OGDH: variants seen among roughly 807,000 people sequenced by gnomAD.
OGDH encodes oxoglutarate dehydrogenase, also known as 2-oxoglutarate dehydrogenase complex component E1.
Under a neutral mutation model 116.6 loss-of-function variants are expected in OGDH, and 38 were observed. The observed-to-expected ratio is 0.33, with a 90% CI of 0.25 to 0.43. The LOEUF is 0.43. OGDH is among the 20% of genes least tolerant of loss of function. The probability of loss-of-function intolerance (pLI) is 1.00; values close to 1 mark genes in which losing one functional copy is unlikely to be tolerated. For synonymous variants in OGDH, 488 were observed against 533.3 expected (o/e 0.92, Z 1.17); for missense variants, 825 against 1,357.2 (o/e 0.61, Z 6.16).
intron 19 of OGDH, 105 bp from the exon 20 acceptor site, chr7:44,701,438 G>A (rs1788826106): frequency 5.6e-6 from 5 of 891,948 alleles, no homozygotes; most frequent in Admixed American, 2.0e-5. Context: ...GAGGGCAGGT[G>A]TGTTTCATGG....
Position 44,707,707 on chromosome 7 carries a change from G to A in OGDH, c.2922G>A (p.Arg974=). The A allele has an allele frequency of 6.2e-7, 1 of 1,614,166 alleles. No homozygotes were observed. The highest frequency in any genetic ancestry group is 1.1e-5 in the South Asian group (1 of 91,084). The change falls in exon 22 of 23, where the codon CGG becomes CGA. Residue 974 remains arginine (R), a synonymous_variant. Transcript: ENST00000222673. This position sits in a 1 kb window ranked among gnomAD's most constrained non-coding sequence, Gnocchi z 5.2. ...ATGACTACGTGAAGCCAAGACTTCG[G>A]ACCACCATCAGCCGCGCCAAGCCCG... ...GYYDYVKPRL[R]TTISRAKPVW...
chr7:44,687,805 C>G (rs1413085714), intron 10 of OGDH, among the ~76,000 whole-genome samples: 1 of 152,054 alleles, frequency 6.6e-6, no homozygotes, highest in Non-Finnish European at 1.5e-5. Flanking sequence ...TTTCACAAGT[C>G]TGCAATTAAG....
intron 9 of OGDH, among the ~76,000 whole-genome samples, chr7:44,678,035 C>T (rs3801401): frequency 0.082 from 12,402 of 152,116 alleles, 1,035 homozygotes; most frequent in East Asian, 0.36. Flanking sequence ...ATTCCCGCAT[C>T]GATCAATGCT....
At chr7:44,664,997 G>A (rs370128290) in intron 4 of OGDH, among the ~76,000 whole-genome samples, 1 of 152,214 alleles carries the variant, frequency 6.6e-6, no homozygotes, top group Admixed American at 6.5e-5. Context: ...GACCGATATA[G>A]TTTCACAATC....
chr7:44,676,608 GTGTGTGTA>G (rs1787709231), intron 9 of OGDH: 1 of 121,582 alleles, frequency 8.2e-6, no homozygotes, highest in Non-Finnish European at 1.3e-5. Flanking sequence ...GTATGTGTGT[GTGTGTGTA>G]TATATATATA....
At chr7:44,636,854 A>C (rs537367602) in intron 2 of OGDH, among the ~76,000 whole-genome samples, 1 of 152,220 alleles carries the variant, frequency 6.6e-6, no homozygotes, top group African/African-American at 2.4e-5. Context: ...TACCGCTGAA[A>C]TCTATCATGT....
Position 44,697,851 on chromosome 7 carries a change from A to G in OGDH, c.2358+69A>G. On this transcript the variant is annotated intron_variant, in intron 17 of 22. Coordinates refer to ENST00000222673, the MANE Select transcript of OGDH (RefSeq NM_002541.4). The surrounding 1 kb of genome is among the most constrained non-coding windows in gnomAD (Gnocchi z 6.0). ...GGCCTGTGTAGGACCCTGACCCCAA[A>G]GACTGGCACGAGAGCCAGTGGCTCA... 6.6e-7 allele frequency: 1 copy of G among 1,522,264 alleles called. No individual in the cohort carries two copies. Among genetic ancestry groups the G allele is most frequent in the Admixed American group, 2.1e-5 (1 of 46,902 alleles). The allele number at this position is 1,522,264 out of a possible 1,614,324, so 94.3% of individuals were successfully genotyped here. A position where few individuals can be genotyped will look rare whatever the true frequency, so the allele number is the denominator to read the frequency against.
At chr7:44,632,766 G>A (rs1785498257) in intron 2 of OGDH, among the ~76,000 whole-genome samples, 2 of 151,906 alleles carry the variant, frequency 1.3e-5, no homozygotes, top group South Asian at 2.1e-4. Flanking sequence ...CCATAGGCGC[G>A]TGCCACCACG....
chr7:44,630,820 T>C (rs111439449), intron 2 of OGDH, among the ~76,000 whole-genome samples: 55 of 152,324 alleles, frequency 3.6e-4, no homozygotes, highest in African/African-American at 1.2e-3. Flanking sequence ...AATTTTTCCA[T>C]GGACTGAGGG....
At position 44,701,566 on chromosome 7, in the gene OGDH, C is replaced by G; in HGVS notation, c.2583C>G (p.Ser861=). 1 of 1,614,128 alleles carries G rather than the reference C, an allele frequency of 6.2e-7. No homozygotes were observed. Among genetic ancestry groups the G allele is most frequent in the Non-Finnish European group, 8.5e-7 (1 of 1,180,008 alleles). The change falls in exon 20 of 23, where the codon TCC becomes TCG. Residue 861 remains serine (S), a synonymous_variant. Transcript: ENST00000222673. ...AGTTAATTATCTTCACCCCCAAATC[C>G]CTGTTGCGCCACCCCGAGGCCAGAT... The part of the protein sequence containing the change: ...RKPLIIFTPK[S]LLRHPEARSS...
Position 44,672,681 on chromosome 7 carries a change from C to T in OGDH, c.634-1106C>T, listed in dbSNP as rs182871366. Among the ~76,000 whole-genome samples the T allele has an allele frequency of 5.4e-3, 762 of 141,068 alleles. 6 individuals are homozygous for T. The highest frequency in any genetic ancestry group is 0.02 in the African/African-American group (720 of 36,044). The allele number at this position is 141,068 out of a possible 152,430, so 92.5% of individuals were successfully genotyped here. ...TTTTTGAGATGGAGTCTCACTCTAT[C>T]GCCCAGGCTGGAGTGCAGTGGCATG... On this transcript the variant is annotated intron_variant, in intron 5 of 22. Transcript: ENST00000222673.
intron 1 of OGDH, among the ~76,000 whole-genome samples, chr7:44,611,162 A>G (rs1413245603): frequency 2.0e-5 from 3 of 150,328 alleles, no homozygotes; most frequent in East Asian, 2.0e-4. Context: ...CGCAGCCTCA[A>G]CCTCCTGGGC....
intron 4 of OGDH, among the ~76,000 whole-genome samples, chr7:44,663,024 C>G (rs1787017462): frequency 6.6e-6 from 1 of 152,128 alleles, no homozygotes; most frequent in Admixed American, 6.6e-5. Context: ...TTCAGCCACC[C>G]TCTTTATTTT....
intron 4 of OGDH, among the ~76,000 whole-genome samples, chr7:44,660,229 A>G (rs1048243091): frequency 1.3e-5 from 2 of 152,168 alleles, no homozygotes; most frequent in African/African-American, 2.4e-5. Flanking sequence ...GGCTTAAGTT[A>G]TCTTCCCACC....
chr7:44,650,259 A>G (rs908224264), intron 4 of OGDH, among the ~76,000 whole-genome samples: 7 of 151,600 alleles, frequency 4.6e-5, no homozygotes, highest in African/African-American at 1.7e-4. Flanking sequence ...TCAAGAAAAC[A>G]GCAGGTCAGA....
At chr7:44,683,431 C>G (rs773552821) in intron 10 of OGDH, among the ~76,000 whole-genome samples, 10 of 152,048 alleles carry the variant, frequency 6.6e-5, no homozygotes, top group Middle Eastern at 3.4e-3. Context: ...GGATGTCACT[C>G]TGTTACCGAG....
Sources: gnomAD v4.1 joint callset for allele counts (sites outside exome capture counted in the v4.1 genomes callset) on GRCh38, gnomAD v4.1.1 for gene constraint, Gnocchi (gnomAD v3.1) non-coding constraint, MANE v1.5 for transcripts, NCBI Gene and HGNC (gene_info 2026-07-23, HGNC 2026-07-21) for gene names.